NRXN3: variants seen among roughly 807,000 people sequenced by gnomAD.
NRXN3 encodes the protein neurexin III.
In NRXN3, 32 loss-of-function variants were observed where a neutral mutation model predicts 137.6. The ratio of observed to expected loss-of-function variants is 0.23; its 90% CI spans 0.18 to 0.31. NRXN3 has a LOEUF of 0.31. Ranked by LOEUF, NRXN3 falls within the 10% of genes least tolerant of loss-of-function variation. The pLI, the probability that NRXN3 is intolerant of heterozygous loss-of-function variation, is 1.00. For missense variants in NRXN3, 1,574 were observed against 2,062.5 expected (o/e 0.76, Z 4.59); for synonymous variants, 798 against 784.5 (o/e 1.02, Z -0.29).
intron 4 of NRXN3, among the ~76,000 whole-genome samples, chr14:78,311,445 C>G (rs2077969301): frequency 6.6e-6 from 1 of 152,170 alleles, no homozygotes; most frequent in Non-Finnish European, 1.5e-5. Flanking sequence ...CATCCAACCC[C>G]AGGTCTGCAG....
intron 4 of NRXN3, among the ~76,000 whole-genome samples, chr14:78,450,557 C>T (rs1054292560): frequency 6.6e-5 from 10 of 152,116 alleles, no homozygotes; most frequent in Admixed American, 2.0e-4. Flanking sequence ...ACCTGGAGCC[C>T]GGTGGAATCC....
intron 15 of NRXN3, among the ~76,000 whole-genome samples, chr14:79,017,777 C>A (rs577348967): frequency 6.6e-6 from 1 of 152,248 alleles, no homozygotes; most frequent in Non-Finnish European, 1.5e-5. Context: ...CTTCTCTCCA[C>A]AGAAGCACCT....
intron 15 of NRXN3, among the ~76,000 whole-genome samples, chr14:79,013,250 T>C (rs1346565104): frequency 6.6e-6 from 1 of 152,184 alleles, no homozygotes; most frequent in African/African-American, 2.4e-5. Context: ...TCAAAATGTC[T>C]TTCCTGCATG....
At chr14:79,159,810 G>T (rs764114091) in intron 15 of NRXN3, among the ~76,000 whole-genome samples, 1 of 151,754 alleles carries the variant, frequency 6.6e-6, no homozygotes, top group Non-Finnish European at 1.5e-5. Context: ...CCTCAAACTA[G>T]ATCATGTTCA....
At chr14:79,259,631 CTA>C (rs1368855132) in intron 15 of NRXN3, among the ~76,000 whole-genome samples, 3 of 139,564 alleles carry the variant, frequency 2.1e-5, no homozygotes, top group Admixed American at 7.2e-5. Context: ...ATCTATATAG[CTA>C]TATATATAGT....
intron 15 of NRXN3, among the ~76,000 whole-genome samples, chr14:79,236,003 G>A (rs1398670319): frequency 6.6e-6 from 1 of 152,076 alleles, no homozygotes; most frequent in Non-Finnish European, 1.5e-5. Flanking sequence ...CCAAAATAAT[G>A]TTCCTTCTGA....
intron 16 of NRXN3, among the ~76,000 whole-genome samples, chr14:79,617,529 A>C (rs2098170454): frequency 2.0e-5 from 3 of 152,190 alleles, no homozygotes; most frequent in Admixed American, 1.3e-4. Flanking sequence ...TGTCTTCTGT[A>C]GTCAATGGCA....
At chr14:79,328,035 A>G (rs1249094647) in intron 15 of NRXN3, among the ~76,000 whole-genome samples, 3 of 152,206 alleles carry the variant, frequency 2.0e-5, no homozygotes, top group Non-Finnish European at 2.9e-5. Context: ...GCAGCAAACC[A>G]GGTGGTACAG....
chr14:78,914,007 T>C (rs1023496467), intron 10 of NRXN3, among the ~76,000 whole-genome samples: 2 of 152,160 alleles, frequency 1.3e-5, no homozygotes, highest in Non-Finnish European at 2.9e-5. Flanking sequence ...TGCCGGAGTC[T>C]CTGAACACTT....
chr14:79,402,645 A>G (rs892240647), intron 15 of NRXN3, among the ~76,000 whole-genome samples: 5 of 152,326 alleles, frequency 3.3e-5, no homozygotes, highest in African/African-American at 1.2e-4. Flanking sequence ...TACCTCATTC[A>G]ATTTTTTAAA....
At chr14:79,468,854 G>A (rs961381008) in intron 16 of NRXN3, among the ~76,000 whole-genome samples, 1 of 152,338 alleles carries the variant, frequency 6.6e-6, no homozygotes, top group Non-Finnish European at 1.5e-5. Flanking sequence ...TGGTGGAGGA[G>A]TCTTGAATAG....
chr14:78,903,949 G>T (rs1404993495), intron 10 of NRXN3, among the ~76,000 whole-genome samples: 1 of 152,036 alleles, frequency 6.6e-6, no homozygotes, highest in Non-Finnish European at 1.5e-5. Context: ...CCCATTTATA[G>T]GGTATATCAA....
intron 10 of NRXN3, among the ~76,000 whole-genome samples, chr14:78,951,646 T>G (rs1191334010): frequency 6.6e-6 from 1 of 152,154 alleles, no homozygotes; most frequent in East Asian, 1.9e-4. Flanking sequence ...TATCAGATTT[T>G]CTCACCCCAA....
At chr14:79,672,483 T>C (rs1230980524) in intron 17 of NRXN3, among the ~76,000 whole-genome samples, 1 of 152,036 alleles carries the variant, frequency 6.6e-6, no homozygotes, top group African/African-American at 2.4e-5. Flanking sequence ...ATTATACTTA[T>C]CTGAAATAGT....
At chr14:78,215,242 G>A (rs776162684) in intron 1 of NRXN3, among the ~76,000 whole-genome samples, 1 of 152,122 alleles carries the variant, frequency 6.6e-6, no homozygotes, top group Non-Finnish European at 1.5e-5. Context: ...ATCTTTTTAT[G>A]TATTTCTAAA....
chr14:78,878,913 GT>G (rs918730302), intron 10 of NRXN3, among the ~76,000 whole-genome samples: 5 of 146,192 alleles, frequency 3.4e-5, no homozygotes, highest in South Asian at 2.2e-4. Context: ...CTATGAGTTT[GT>G]TTTTTTTTTA....
chr14:78,389,670 T>G (rs2090497062), intron 4 of NRXN3, among the ~76,000 whole-genome samples: 2 of 152,208 alleles, frequency 1.3e-5, no homozygotes, highest in Non-Finnish European at 2.9e-5. Flanking sequence ...TACATACTCA[T>G]GGCAAACACT....
At chr14:78,192,107 T>TGTGAGAGA (rs796435942) in intron 1 of NRXN3, among the ~76,000 whole-genome samples, 46 of 140,518 alleles carry the variant, frequency 3.3e-4, no homozygotes, top group African/African-American at 1.1e-3. Flanking sequence ...TGTGTGTGTG[T>TGTGAGAGA]GAGAGAGAGA....
intron 15 of NRXN3, among the ~76,000 whole-genome samples, chr14:79,375,430 G>T (rs566120702): frequency 7.9e-5 from 12 of 151,946 alleles, no homozygotes; most frequent in African/African-American, 2.9e-4. Context: ...GCACTGTCTG[G>T]GGCACTCCTG....
Sources: gnomAD v4.1 joint callset for allele counts (sites outside exome capture counted in the v4.1 genomes callset) on GRCh38, gnomAD v4.1.1 for gene constraint, MANE v1.5 for transcripts, NCBI Gene and HGNC (gene_info 2026-07-23, HGNC 2026-07-21) for gene names.